The following RIN3 variants were observed in gnomAD, a reference collection of about 807,000 sequenced individuals.
The protein encoded by RIN3 is Ras and Rab interactor 3, also known as RAB5 interacting protein 3.
Under a neutral mutation model 76.3 loss-of-function variants are expected in RIN3, and 54 were observed. The ratio of observed to expected loss-of-function variants is 0.71; its 90% CI spans 0.57 to 0.89. The LOEUF (loss-of-function observed/expected upper bound fraction) is 0.89, where lower values mean the gene tolerates loss of function less well. RIN3 is among the 40% of genes least tolerant of loss of function. The pLI, the probability that RIN3 is intolerant of heterozygous loss-of-function variation, is 0.00. For missense variants in RIN3, 1,256 were observed against 1,322.1 expected (o/e 0.95, Z 0.78); for synonymous variants, 576 against 564.0 (o/e 1.02, Z -0.30).
intron 1 of RIN3, among the ~76,000 whole-genome samples, chr14:92,550,418 T>C (rs1249490457): frequency 1.3e-5 from 2 of 152,218 alleles, no homozygotes; most frequent in East Asian, 1.9e-4. Context: ...TTTATTTATT[T>C]ATTCATTCAT....
chr14:92,593,622 A>G (rs1163280668), intron 3 of RIN3, among the ~76,000 whole-genome samples: 2 of 152,210 alleles, frequency 1.3e-5, no homozygotes, highest in East Asian at 1.9e-4. Context: ...GCACACCAAC[A>G]TGGCACATTT....
At position 92,643,892 on chromosome 14, in the gene RIN3, C is replaced by T. The variant is rs1394590929; in HGVS notation, c.532+2563C>T. Among the ~76,000 whole-genome samples the T allele has an allele frequency of 1.3e-5, 2 of 151,990 alleles. No individual in the cohort carries two copies. The highest frequency in any genetic ancestry group is 4.8e-5 in the African/African-American group (2 of 41,366). On this transcript the variant is annotated intron_variant, in intron 5 of 9. Transcript: ENST00000216487. The surrounding 1 kb of genome is among the most constrained non-coding windows in gnomAD (Gnocchi z 4.8). ...GCAGTGAGCTGAGATTGCCCCACTG[C>T]ACTCCAGCGTGGGCAACAGACTGAG...
chr14:92,685,241 G>C lies in RIN3; in HGVS notation c.2631+91G>C. On this transcript the variant is annotated intron_variant, in intron 9 of 9. Transcript: ENST00000216487. The surrounding 1 kb of genome is among the most constrained non-coding windows in gnomAD (Gnocchi z 4.7). ...GGCTAAGGAGCCGTGACATCACCTG[G>C]CTGCTCCAGCCGCCCAGCCCTGCCT... is the stretch of plus-strand genomic sequence containing the variant. 7.3e-7 allele frequency: 1 copy of C among 1,374,504 alleles called. No homozygotes were observed. Among genetic ancestry groups the C allele is most frequent in the Non-Finnish European group, 9.8e-7 (1 of 1,021,388 alleles). 85.1% of individuals were successfully genotyped at this position (1,374,504 alleles called of 1,614,324 possible).
At chr14:92,517,217 G>C (rs946254874) in intron 1 of RIN3, among the ~76,000 whole-genome samples, 1 of 152,192 alleles carries the variant, frequency 6.6e-6, no homozygotes, top group Non-Finnish European at 1.5e-5. Context: ...TTCGGGAGGT[G>C]GGAAAGTGTG....
intron 4 of RIN3, among the ~76,000 whole-genome samples, chr14:92,617,328 A>T (rs948143653): frequency 3.0e-4 from 45 of 152,106 alleles, no homozygotes; most frequent in Non-Finnish European, 1.5e-4. Context: ...AAATAAATTT[A>T]AAAATTCCCC....
At chr14:92,583,565 A>T (rs1316830760) in intron 3 of RIN3, among the ~76,000 whole-genome samples, 1 of 152,292 alleles carries the variant, frequency 6.6e-6, no homozygotes, top group Admixed American at 6.5e-5. Context: ...AAAGAAAAAA[A>T]GATGAAAAAT....
At chr14:92,516,018 G>A (rs1230754163) in intron 1 of RIN3, among the ~76,000 whole-genome samples, 1 of 152,148 alleles carries the variant, frequency 6.6e-6, no homozygotes, top group Non-Finnish European at 1.5e-5. Context: ...TCTGCTGAGA[G>A]TGGGTTCTCA....
chr14:92,671,316 G>T (rs942712783), intron 7 of RIN3, among the ~76,000 whole-genome samples: 1 of 152,062 alleles, frequency 6.6e-6, no homozygotes, highest in Non-Finnish European at 1.5e-5. Context: ...TAGGGAGGGG[G>T]TCCCAGGAGG....
intron 3 of RIN3, among the ~76,000 whole-genome samples, chr14:92,595,078 A>G (rs1051268666): frequency 6.6e-5 from 10 of 152,270 alleles, no homozygotes; most frequent in African/African-American, 2.4e-4. Context: ...TCATGCATAT[A>G]GGTAACTAGC....
At chr14:92,586,492 A>T (rs1202998546) in intron 3 of RIN3, 3 of 152,238 alleles carry the variant, frequency 2.0e-5, no homozygotes, top group Non-Finnish European at 2.9e-5. Flanking sequence ...CCAGGAAAAA[A>T]ATACATCATG....
Position 92,555,961 on chromosome 14 carries a change from T to G in RIN3, c.249+6T>G. 6.2e-7 allele frequency: 1 copy of G among 1,609,438 alleles called. No individual in the cohort carries two copies. The highest frequency in any genetic ancestry group is 8.5e-7 in the Non-Finnish European group (1 of 1,179,418). ...TGCACCGGGTGGTGGCTGGGGTGAG[T>G]GGGGGCGTCTCCCACTTGGTAGGCA... is the stretch of plus-strand genomic sequence containing the variant. On this transcript the variant is annotated splice_donor_region_variant and intron_variant, in intron 2 of 9. Coordinates refer to ENST00000216487, the MANE Select transcript of RIN3 (RefSeq NM_024832.5).
intron 3 of RIN3, among the ~76,000 whole-genome samples, chr14:92,611,091 T>C (rs1356700294): frequency 6.6e-6 from 1 of 152,128 alleles, no homozygotes; most frequent in Non-Finnish European, 1.5e-5. Flanking sequence ...AGGCCAGAAA[T>C]CGGAAATCAA....
chr14:92,576,173 C>T, intron 2 of RIN3: 1 of 1,215,692 alleles, frequency 8.2e-7, no homozygotes, highest in Non-Finnish European at 1.1e-6. Context: ...TGGGGAGATT[C>T]CAGAAGGTGT....
intron 1 of RIN3, among the ~76,000 whole-genome samples, chr14:92,548,651 C>T (rs1430730784): frequency 6.6e-6 from 1 of 152,106 alleles, no homozygotes; most frequent in East Asian, 1.9e-4. Context: ...CCATTCTCTA[C>T]CTCTGCCTTC....
At chr14:92,672,353 G>A (rs565266973) in intron 7 of RIN3, among the ~76,000 whole-genome samples, 9 of 152,192 alleles carry the variant, frequency 5.9e-5, no homozygotes, top group South Asian at 2.1e-4. Flanking sequence ...TGAAGGTTGC[G>A]GTGAGCCGAG....
intron 1 of RIN3, among the ~76,000 whole-genome samples, chr14:92,543,193 G>T (rs57571731): frequency 0.076 from 11,608 of 151,998 alleles, 1,537 homozygotes; most frequent in African/African-American, 0.27. Context: ...TGTTCCAGCC[G>T]GAAAACAGAA....
At chr14:92,642,452 T>C (rs7153866) in intron 5 of RIN3, among the ~76,000 whole-genome samples, 134,125 of 152,074 alleles carry the variant, frequency 0.88, 59,433 homozygotes, top group Middle Eastern at 0.93. Flanking sequence ...TCAGGAGCCG[T>C]TGTAGGCCCC....
chr14:92,684,037 C>T (rs1022646074), intron 8 of RIN3, among the ~76,000 whole-genome samples: 1 of 152,150 alleles, frequency 6.6e-6, no homozygotes, highest in Non-Finnish European at 1.5e-5. Flanking sequence ...CTTACATTAG[C>T]CTACAGTTGG....
At chr14:92,683,467 T>C (rs1210098581) in intron 8 of RIN3, among the ~76,000 whole-genome samples, 2 of 152,292 alleles carry the variant, frequency 1.3e-5, no homozygotes, top group Admixed American at 6.5e-5. Context: ...GAGAATGAAT[T>C]TGTAAGCATC....
Sources: allele counts gnomAD v4.1 joint callset (sites outside exome capture counted in the v4.1 genomes callset), GRCh38; gene constraint gnomAD v4.1.1; non-coding constraint Gnocchi (gnomAD v3.1); transcripts MANE v1.5; gene names NCBI Gene and HGNC (gene_info 2026-07-23, HGNC 2026-07-21).